Variants in WDR47 observed in about 807,000 individuals in gnomAD.
The protein encoded by WDR47 is WD repeat-containing protein 47.
A neutral mutation model predicts 97.2 loss-of-function variants in WDR47; 32 were observed. The observed-to-expected ratio is 0.33, with a 90% CI of 0.25 to 0.44. WDR47 has a LOEUF of 0.44. Among genes scored for constraint, WDR47 ranks in the 20% least tolerant of loss-of-function variants. WDR47 has a pLI of 1.00. For missense variants in WDR47, 782 were observed against 1,102.3 expected (o/e 0.71, Z 4.11); for synonymous variants, 375 against 373.5 (o/e 1.00, Z -0.05).
intron 10 of WDR47, 27 bp from the exon 11 acceptor site, chr1:108,983,478 T>C: frequency 6.6e-7 from 1 of 1,512,696 alleles, no homozygotes. Flanking sequence ...CAGAAATATA[T>C]TTCAATTTCT....
At chr1:109,000,624 C>T (rs571474647) in intron 7 of WDR47, among the ~76,000 whole-genome samples, 2 of 150,128 alleles carry the variant, frequency 1.3e-5, no homozygotes, top group East Asian at 2.0e-4. Context: ...TGCAGCGAGC[C>T]GTGATCAGAT....
At chr1:109,028,005 G>A (rs1045347887) in intron 1 of WDR47, among the ~76,000 whole-genome samples, 1 of 152,040 alleles carries the variant, frequency 6.6e-6, no homozygotes, top group Non-Finnish European at 1.5e-5. Flanking sequence ...CTCCTCTGGG[G>A]GAGCTATAAA....
intron 2 of WDR47, among the ~76,000 whole-genome samples, chr1:109,017,936 A>G (rs962578857): frequency 4.0e-5 from 6 of 151,656 alleles, no homozygotes; most frequent in South Asian, 2.1e-4. Context: ...TTTAGTAGAT[A>G]CAGGGTTTCA....
intron 13 of WDR47, among the ~76,000 whole-genome samples, chr1:108,981,314 G>A (rs1658329103): frequency 6.6e-6 from 1 of 152,004 alleles, no homozygotes; most frequent in African/African-American, 2.4e-5. Flanking sequence ...AAACTTTCTG[G>A]TTACATATTT....
intron 1 of WDR47, among the ~76,000 whole-genome samples, chr1:109,040,804 G>T (rs916410398): frequency 2.6e-5 from 4 of 151,942 alleles, no homozygotes; most frequent in Admixed American, 1.3e-4. Flanking sequence ...GCCAACACTG[G>T]AGACAAAAAA....
chr1:109,028,362 G>GTTTTGT (rs1553237190), intron 1 of WDR47, among the ~76,000 whole-genome samples: 1 of 79,788 alleles, frequency 1.3e-5, no homozygotes, highest in South Asian at 5.6e-4. Flanking sequence ...TTTTTGTTGG[G>GTTTTGT]TTTTTTTTTT....
At chr1:108,975,351 C>T (rs1208707313) in intron 13 of WDR47, among the ~76,000 whole-genome samples, 3 of 151,658 alleles carry the variant, frequency 2.0e-5, no homozygotes, top group South Asian at 4.2e-4. Context: ...AGGCTGGGCG[C>T]GGTGGCTCAT....
At chr1:109,039,962 G>A (rs961130343) in intron 1 of WDR47, among the ~76,000 whole-genome samples, 3 of 151,100 alleles carry the variant, frequency 2.0e-5, no homozygotes, top group Non-Finnish European at 4.4e-5. Context: ...CTTGAACCCA[G>A]GAGGCAGAGG....
Position 108,971,184 on chromosome 1 carries a change from C to A in WDR47, c.*246G>T, listed in dbSNP as rs938411080. 3.2e-5 allele frequency: 14 copies of A among 441,302 alleles called. No individual in the cohort carries two copies. Among genetic ancestry groups the A allele is most frequent in the South Asian group, 2.2e-4 (5 of 22,288 alleles). The allele number at this position is 441,302 out of a possible 1,614,324, so 27.3% of individuals were successfully genotyped here. On this transcript the variant is annotated 3_prime_UTR_variant, in exon 15 of 15. Transcript: ENST00000369962. ...AGTGCACACCAACAACTGAAGAGCT[C>A]TTCTGCAGACTTTGGCAACGAGACT...
Position 109,011,251 on chromosome 1 carries a change from A to C in WDR47, c.795T>G (p.Leu265=), listed in dbSNP as rs761098581. ...TCAGAAGTTTGTCAACATGAATATT[A>C]AGCATTTTCTGTTCAAAAGCACAAG... The part of the protein sequence containing the change: ...VFSCAFEQKM[L]NIHVDKLLKP... The change falls in exon 5 of 15, where the codon CTT becomes CTG. Residue 265 remains leucine, a synonymous_variant. Coordinates refer to ENST00000369962, the MANE Select transcript of WDR47 (RefSeq NM_001142551.2). 6.2e-7 allele frequency: 1 copy of C among 1,614,156 alleles called. No individual in the cohort carries two copies. The highest frequency in any genetic ancestry group is 1.3e-5 in the African/African-American group (1 of 75,044).
At chr1:109,009,121 A>G (rs894083230) in intron 5 of WDR47, among the ~76,000 whole-genome samples, 7 of 152,196 alleles carry the variant, frequency 4.6e-5, no homozygotes, top group Non-Finnish European at 1.0e-4. Context: ...TAAAAGAAAC[A>G]GAAATTCTGA....
At chr1:108,991,182 G>C in intron 9 of WDR47, 72 bp downstream of exon 9, 1 of 1,444,120 alleles carries the variant, frequency 6.9e-7, no homozygotes. Flanking sequence ...TTCTTTCTTT[G>C]AATTGAAAAT....
intron 5 of WDR47, among the ~76,000 whole-genome samples, chr1:109,006,195 G>C (rs1459709893): frequency 1.3e-5 from 2 of 152,078 alleles, no homozygotes; most frequent in South Asian, 2.1e-4. Flanking sequence ...GGGAGTATGA[G>C]ACGAACCTGA....
At chr1:109,034,982 A>AC (rs1476642001) in intron 1 of WDR47, among the ~76,000 whole-genome samples, 2 of 152,176 alleles carry the variant, frequency 1.3e-5, no homozygotes, top group East Asian at 3.9e-4. Context: ...GAGACCGGGC[A>AC]CAGTGGCTCA....
chr1:109,017,718 TTTTA>T (rs1465986111), intron 2 of WDR47, 117 bp from the exon 3 acceptor site: 13 of 769,442 alleles, frequency 1.7e-5, no homozygotes, highest in Admixed American at 3.1e-5. Context: ...GAGATTAACA[TTTTA>T]TTTGATTCCT....
chr1:109,018,640 C>T (rs1023973332), intron 2 of WDR47, among the ~76,000 whole-genome samples: 1 of 151,990 alleles, frequency 6.6e-6, no homozygotes, highest in African/African-American at 2.4e-5. Context: ...CATGGCGAAA[C>T]CCTGGCTCTA....
At chr1:108,979,910 C>T (rs754513918) in intron 13 of WDR47, among the ~76,000 whole-genome samples, 2 of 152,252 alleles carry the variant, frequency 1.3e-5, no homozygotes, top group Admixed American at 6.5e-5. Context: ...TGTTAGGCAC[C>T]GGGCCACACA....
chr1:109,029,737 C>T (rs900750480), intron 1 of WDR47, among the ~76,000 whole-genome samples: 1 of 149,748 alleles, frequency 6.7e-6, no homozygotes, highest in Non-Finnish European at 1.5e-5. Flanking sequence ...ATTACCCGGG[C>T]GTGGTGGTGG....
chr1:109,016,733 C>T (rs2101969273), intron 3 of WDR47, among the ~76,000 whole-genome samples: 1 of 151,864 alleles, frequency 6.6e-6, no homozygotes, highest in South Asian at 2.1e-4. Flanking sequence ...GAATTCAGAG[C>T]CTCAAGAGTG....
Sources: allele counts gnomAD v4.1 joint callset (sites outside exome capture counted in the v4.1 genomes callset), GRCh38; gene constraint gnomAD v4.1.1; transcripts MANE v1.5; gene names NCBI Gene and HGNC (gene_info 2026-07-23, HGNC 2026-07-21).